The following ARHGEF28 variants were observed in gnomAD, a reference collection of about 807,000 sequenced individuals.
ARHGEF28 encodes the protein Rho guanine nucleotide exchange factor 28.
Under a neutral mutation model 206.6 loss-of-function variants are expected in ARHGEF28, and 152 were observed. The ratio of observed to expected loss-of-function variants is 0.74; its 90% CI spans 0.64 to 0.84. The LOEUF (loss-of-function observed/expected upper bound fraction) is 0.84. Ranked by LOEUF, ARHGEF28 falls within the 40% of genes least tolerant of loss-of-function variation. The pLI, the probability that ARHGEF28 is intolerant of heterozygous loss-of-function variation, is 0.00. For synonymous variants in ARHGEF28, 763 were observed against 776.4 expected, an observed-to-expected ratio of 0.98 and a Z score of 0.29; for missense variants, 2,028 against 2,073.2, an observed-to-expected ratio of 0.98 and a Z score of 0.42.
chr5:73,856,659 C>T (rs1172260948), intron 14 of ARHGEF28, among the ~76,000 whole-genome samples: 1 of 151,896 alleles, frequency 6.6e-6, no homozygotes, highest in Non-Finnish European at 1.5e-5. Flanking sequence ...TCATTGAAAG[C>T]AATATTTTCA....
chr5:73,695,441 C>T (rs1274695363), intron 2 of ARHGEF28, among the ~76,000 whole-genome samples: 1 of 152,172 alleles, frequency 6.6e-6, no homozygotes, highest in African/African-American at 2.4e-5. Context: ...GCCCTCTCGT[C>T]TTGACCTCTG....
chr5:73,868,362 A>G (rs1580009487), intron 20 of ARHGEF28, 135 bp downstream of exon 20: 2 of 1,163,294 alleles, frequency 1.7e-6, no homozygotes, highest in Non-Finnish European at 2.3e-6. Flanking sequence ...TCTCTTTGGT[A>G]TAGGTTCTAC....
Position 73,940,930 on chromosome 5 carries a change from A to G in ARHGEF28, c.5035A>G (p.Lys1679Glu). ...ACTGCAGGCGTTTATAACAGAAGCA[A>G]AGCTAAATCTACCGACAAGGACAAT... is the stretch of plus-strand genomic sequence containing the variant. Reference protein sequence around the residue: ...PQLQAFITEAKLNLPTRTMTR... With the variant: ...PQLQAFITEAELNLPTRTMTR... The change falls in exon 36 of 36, where the codon AAG becomes GAG. Residue 1679 changes from lysine (K) to glutamate (E), a missense_variant. By Grantham distance (56) the Lys-to-Glu change is moderately conservative. This residue lies in a region of ARHGEF28 where 803 missense variants were observed against 768.0 expected (regional missense o/e 1.05). Coordinates refer to ENST00000513042, the MANE Select transcript of ARHGEF28 (RefSeq NM_001177693.2). The G allele has an allele frequency of 1.3e-6, 2 of 1,534,720 alleles. No homozygotes were observed. Among genetic ancestry groups the G allele is most frequent in the Non-Finnish European group, 8.7e-7 (1 of 1,146,626 alleles).
intron 2 of ARHGEF28, among the ~76,000 whole-genome samples, chr5:73,692,118 G>A (rs72770822): frequency 0.14 from 20,914 of 152,210 alleles, 1,922 homozygotes; most frequent in Non-Finnish European, 0.2. Context: ...AGAAAGGAGG[G>A]ATGTTAAATT....
At position 73,940,862 on chromosome 5, in the gene ARHGEF28, C is replaced by A. The variant is rs1742566055; in HGVS notation, c.4967C>A (p.Thr1656Asn). 6.6e-7 allele frequency: 1 copy of A among 1,520,648 alleles called. No individual in the cohort carries two copies. The highest frequency in any genetic ancestry group is 1.2e-5 in the South Asian group (1 of 80,900). The allele number at this position is 1,520,648 out of a possible 1,614,324, so 94.2% of individuals were successfully genotyped here. A position where few individuals can be genotyped will look rare whatever the true frequency, so the allele number is the denominator to read the frequency against. Residue 1656 changes from threonine (T) to asparagine (N), a missense_variant, in exon 36 of 36, where the codon ACT (threonine) becomes AAT (asparagine). Around this residue, in one of 3 missense-constraint regions of ARHGEF28, gnomAD observed 803 missense variants for 768.0 expected, o/e 1.05. Transcript: ENST00000513042. ...CTTGCAGATTTGGACACCTCCCACACTGAGTCCCCAACCCCCCATGACTCA... is the reference window on the plus strand; with the variant it reads ...CTTGCAGATTTGGACACCTCCCACAATGAGTCCCCAACCCCCCATGACTCA... ...SCKNDLDTSH[T>N]ESPTPHDSNS... is the part of the protein sequence containing the mutation.
At chr5:73,705,796 G>C (rs2112296918) in intron 2 of ARHGEF28, among the ~76,000 whole-genome samples, 1 of 152,282 alleles carries the variant, frequency 6.6e-6, no homozygotes, top group South Asian at 2.1e-4. Context: ...TGAAGGATAT[G>C]TTTTCATAGA....
Position 73,753,191 on chromosome 5 carries a change from C to T in ARHGEF28, c.464C>T (p.Ser155Phe), listed in dbSNP as rs1383068327. The T allele has an allele frequency of 6.6e-7, 1 of 1,520,892 alleles. No homozygotes were observed. Among genetic ancestry groups the T allele is most frequent in the African/African-American group, 1.4e-5 (1 of 71,766 alleles). The allele number at this position is 1,520,892 out of a possible 1,614,324, so 94.2% of individuals were successfully genotyped here. A position where few individuals can be genotyped will look rare whatever the true frequency, so the allele number is the denominator to read the frequency against. ...LPLEWTVLGS[S>F]SLEVSSHRES... is the part of the protein sequence containing the mutation. The stretch of plus-strand genomic sequence containing the variant: ...CTAGAGTGGACTGTGTTGGGAAGTT[C>T]TTCACTTGAAGGTGGGTCATCACCA... The change falls in exon 4 of 36, where the codon TCT becomes TTT. Residue 155 changes from serine (S) to phenylalanine (F), a missense_variant. Physicochemically the swap from Ser to Phe is radical, Grantham distance 155 (BLOSUM62 -2). This residue lies in a region of ARHGEF28 where 1,002 missense variants were observed against 1,015.3 expected (regional missense o/e 0.99). Coordinates refer to ENST00000513042, the MANE Select transcript of ARHGEF28 (RefSeq NM_001177693.2).
At chr5:73,788,972 A>G (rs955968800) in intron 7 of ARHGEF28, among the ~76,000 whole-genome samples, 7 of 152,180 alleles carry the variant, frequency 4.6e-5, no homozygotes, top group Non-Finnish European at 1.0e-4. Flanking sequence ...ATAAAAATTT[A>G]TCAAACATGG....
At chr5:73,748,501 C>A (rs1244840232) in intron 2 of ARHGEF28, among the ~76,000 whole-genome samples, 2 of 152,138 alleles carry the variant, frequency 1.3e-5, no homozygotes, top group South Asian at 4.2e-4. Context: ...AAACCCTACA[C>A]CGATTTTGTT....
In ARHGEF28 at chr5:73,832,374, C is replaced by A. The variant is rs372079481; in HGVS notation, c.1061C>A (p.Pro354His). Residue 354 changes from proline to histidine, a missense_variant, in exon 10 of 36, where the codon CCC becomes CAC. Coordinates refer to ENST00000513042, the MANE Select transcript of ARHGEF28 (RefSeq NM_001177693.2). ...GATATCCTAAAAAAATCCAAGCCGC[C>A]CTCGACATTGCTTGCTGCAGGCCGG... Reference protein sequence around the residue: ...SFDILKKSKPPSTLLAAGRLS... With the variant: ...SFDILKKSKPHSTLLAAGRLS... 1 of 1,612,700 alleles carries A rather than the reference C, an allele frequency of 6.2e-7. No homozygotes were observed. The highest frequency in any genetic ancestry group is 1.1e-5 in the South Asian group (1 of 90,648).
intron 7 of ARHGEF28, among the ~76,000 whole-genome samples, chr5:73,788,917 A>G (rs1003065416): frequency 8.0e-5 from 12 of 150,804 alleles, no homozygotes; most frequent in East Asian, 3.9e-4. Context: ...AGAGATTTCT[A>G]TGGTGGGCAG....
At chr5:73,935,913 A>G (rs924902543) in intron 35 of ARHGEF28, among the ~76,000 whole-genome samples, 5 of 152,232 alleles carry the variant, frequency 3.3e-5, no homozygotes, top group Non-Finnish European at 5.9e-5. Flanking sequence ...ACAGCGCGTC[A>G]TCAGTGCTCT....
chr5:73,933,927 T>G (rs902914855), intron 35 of ARHGEF28, among the ~76,000 whole-genome samples: 2 of 150,938 alleles, frequency 1.3e-5, no homozygotes, highest in African/African-American at 5.0e-5. Flanking sequence ...AATGTTTTTT[T>G]TTTTTTCCCC....
chr5:73,775,312 G>A (rs956918602), intron 5 of ARHGEF28, among the ~76,000 whole-genome samples: 2 of 152,196 alleles, frequency 1.3e-5, no homozygotes, highest in African/African-American at 2.4e-5. Flanking sequence ...TAGAAGTAGA[G>A]TGTAAGCTAA....
chr5:73,777,078 A>G (rs1753583827), intron 6 of ARHGEF28, among the ~76,000 whole-genome samples: 2 of 152,206 alleles, frequency 1.3e-5, no homozygotes, highest in Admixed American at 1.3e-4. Flanking sequence ...CATTTGTTCC[A>G]GTGCAGAATC....
intron 1 of ARHGEF28, among the ~76,000 whole-genome samples, chr5:73,675,754 A>AG (rs1746622699): frequency 6.7e-6 from 1 of 150,096 alleles, no homozygotes; most frequent in Admixed American, 6.7e-5. Flanking sequence ...AAAAAAAAAA[A>AG]GAAAATAAGC....
chr5:73,823,110 G>T, intron 9 of ARHGEF28, among the ~76,000 whole-genome samples: 1 of 152,158 alleles, frequency 6.6e-6, no homozygotes, highest in Non-Finnish European at 1.5e-5. Context: ...CCGTGTTTGC[G>T]TTCTGGTTCA....
chr5:73,801,840 TG>T (rs1379771624), intron 9 of ARHGEF28, among the ~76,000 whole-genome samples: 1 of 152,164 alleles, frequency 6.6e-6, no homozygotes, highest in Admixed American at 6.5e-5. Flanking sequence ...AGAAGACCAC[TG>T]GGAAGGCAAA....
intron 5 of ARHGEF28, among the ~76,000 whole-genome samples, chr5:73,774,741 T>A (rs1753449897): frequency 6.6e-6 from 1 of 152,212 alleles, no homozygotes; most frequent in Non-Finnish European, 1.5e-5. Flanking sequence ...TCTTAGCTTA[T>A]GAAAGAAGGA....
Sources: gnomAD v4.1 joint callset for allele counts (sites outside exome capture counted in the v4.1 genomes callset) on GRCh38, gnomAD v4.1.1 for gene constraint, gnomAD v4.1.1 regional missense constraint, MANE v1.5 for transcripts, NCBI Gene and HGNC (gene_info 2026-07-23, HGNC 2026-07-21) for gene names.